WWTR1: variants seen among roughly 807,000 people sequenced by gnomAD.
The protein encoded by WWTR1 is WW domain-containing transcription regulator protein 1.
A neutral mutation model predicts 40.1 loss-of-function variants in WWTR1; 13 were observed. The ratio of observed to expected loss-of-function variants is 0.32; its 90% CI spans 0.21 to 0.52. WWTR1 has a LOEUF of 0.52. Ranked by LOEUF, WWTR1 falls within the 20% of genes least tolerant of loss-of-function variation. The pLI, the probability that WWTR1 is intolerant of heterozygous loss-of-function variation, is 0.97. For missense variants in WWTR1, 436 were observed against 523.1 expected (o/e 0.83, Z 1.63); for synonymous variants, 230 against 210.1 (o/e 1.09, Z -0.82).
At chr3:149,612,032 G>A (rs16862034) in intron 2 of WWTR1, among the ~76,000 whole-genome samples, 2,838 of 152,144 alleles carry the variant, frequency 0.019, 95 homozygotes, top group African/African-American at 0.064. Context: ...CCCATATGGC[G>A]TCAGGGGCAA....
At chr3:149,705,051 T>A (rs928870883), upstream of WWTR1, among the ~76,000 whole-genome samples, 1 of 151,416 alleles carries the variant, frequency 6.6e-6, no homozygotes, top group South Asian at 2.1e-4. Flanking sequence ...AATATAATAA[T>A]GGAATTTTAA....
At chr3:149,649,909 C>T (rs1352371894) in intron 2 of WWTR1, 4 of 127,818 alleles carry the variant, frequency 3.1e-5, no homozygotes, top group East Asian at 2.3e-4. Flanking sequence ...AAGAGTGAAA[C>T]GCTATCTCAA....
At chr3:149,542,201 G>A (rs1258306865) in intron 4 of WWTR1, 134 bp downstream of exon 4, 1 of 1,042,608 alleles carries the variant, frequency 9.6e-7, no homozygotes, top group East Asian at 2.5e-5. Flanking sequence ...TTAATCAAGA[G>A]GCTTGGAGTA....
chr3:149,643,340 T>A (rs937344679), intron 2 of WWTR1, among the ~76,000 whole-genome samples: 1 of 152,222 alleles, frequency 6.6e-6, no homozygotes, highest in African/African-American at 2.4e-5. Context: ...TGGCTGTAAT[T>A]TAGTTATGAC....
chr3:149,549,875 C>CA, intron 3 of WWTR1, among the ~76,000 whole-genome samples: 1 of 151,790 alleles, frequency 6.6e-6, no homozygotes, highest in Non-Finnish European at 1.5e-5. Flanking sequence ...CAAAACAAAA[C>CA]AAAAAGGTAA....
intron 1 of WWTR1, among the ~76,000 whole-genome samples, chr3:149,684,243 A>G (rs1397739473): frequency 6.6e-6 from 1 of 152,018 alleles, no homozygotes; most frequent in East Asian, 1.9e-4. Flanking sequence ...GGTGGTCTTG[A>G]GTTCCTGGGT....
At chr3:149,603,287 T>A (rs930078954) in intron 2 of WWTR1, among the ~76,000 whole-genome samples, 1 of 151,748 alleles carries the variant, frequency 6.6e-6, no homozygotes, top group Admixed American at 6.6e-5. Context: ...GAAAATGGAG[T>A]TCATGACTGA....
chr3:149,555,311 A>C (rs1736775786), intron 3 of WWTR1, among the ~76,000 whole-genome samples: 1 of 152,236 alleles, frequency 6.6e-6, no homozygotes, highest in Non-Finnish European at 1.5e-5. Context: ...GGTAGTCAAA[A>C]GACTTGAACG....
chr3:149,537,254 C>T (rs558425927), intron 4 of WWTR1, among the ~76,000 whole-genome samples: 2 of 152,238 alleles, frequency 1.3e-5, no homozygotes, highest in South Asian at 2.1e-4. Context: ...GGATTCTAGG[C>T]GCTTTGGAAT....
intron 2 of WWTR1, among the ~76,000 whole-genome samples, chr3:149,607,289 C>T (rs1297034203): frequency 1.3e-5 from 2 of 152,108 alleles, no homozygotes; most frequent in Non-Finnish European, 2.9e-5. Flanking sequence ...CACGGGTTAA[C>T]TTCAGTGACC....
intron 5 of WWTR1, among the ~76,000 whole-genome samples, chr3:149,708,544 G>A (rs1277239831): frequency 6.6e-6 from 1 of 152,010 alleles, no homozygotes; most frequent in Admixed American, 6.5e-5. Flanking sequence ...GACCACTCTA[G>A]GTATCTCATA....
chr3:149,565,644 G>A (rs935182072), intron 3 of WWTR1, among the ~76,000 whole-genome samples: 5 of 152,150 alleles, frequency 3.3e-5, no homozygotes, highest in African/African-American at 1.2e-4. Flanking sequence ...CAGGCCGGGT[G>A]CTCGTGCCTG....
intron 2 of WWTR1, among the ~76,000 whole-genome samples, chr3:149,573,565 C>G (rs1283264359): frequency 6.6e-6 from 1 of 152,160 alleles, no homozygotes; most frequent in African/African-American, 2.4e-5. Context: ...ATAAAACCCT[C>G]AAGAAGCTCA....
chr3:149,647,849 A>G (rs1255062271), intron 2 of WWTR1, among the ~76,000 whole-genome samples: 3 of 152,228 alleles, frequency 2.0e-5, no homozygotes, highest in Non-Finnish European at 4.4e-5. Flanking sequence ...CTCAAAACTA[A>G]GGAGTGAGAA....
chr3:149,542,233 C>T (rs1736137119), intron 4 of WWTR1, 102 bp downstream of exon 4: 2 of 1,363,296 alleles, frequency 1.5e-6, no homozygotes, highest in Non-Finnish European at 2.0e-6. Flanking sequence ...CCTATTGTCT[C>T]TTCTTCTCTA....
rs34414853 is a variant in WWTR1 at position 149,568,523 on chromosome 3, C to CAA, written c.568+4339_568+4340dup. 4.7e-3 allele frequency among the ~76,000 whole-genome samples: 305 copies of CAA among 64,788 alleles called. 53 individuals are homozygous for CAA. The highest frequency in any genetic ancestry group is 6.5e-3 in the South Asian group (9 of 1,386). The allele number at this position is 64,788 out of a possible 152,430, so 42.5% of individuals were successfully genotyped here. ...GGAGATGGCTATTTGAATTAAAGTG[C>CAA]AAAAAAAAAAAAAAAAAAAAAAAAA... is the stretch of plus-strand genomic sequence containing the variant. On this transcript the variant is annotated intron_variant, in intron 3 of 6. Coordinates refer to ENST00000360632, the MANE Select transcript of WWTR1 (RefSeq NM_015472.6).
rs374427935 is a variant in WWTR1 at position 149,542,400 on chromosome 3, G to C, written c.706C>G (p.Arg236Gly). The C allele has an allele frequency of 6.2e-7, 1 of 1,613,960 alleles. No homozygotes were observed. The highest frequency in any genetic ancestry group is 8.5e-7 in the Non-Finnish European group (1 of 1,179,994). The change falls in exon 4 of 7, where the codon CGG (arginine) becomes GGG (glycine). Residue 236 changes from arginine (R) to glycine (G), a missense_variant. Transcript: ENST00000360632. ...TTQQQQQQKL[R>G]LQRIQMERER... Reference sequence around the variant, plus strand: ...CTCTCCATCTGGATTCTCTGAAGCCGCAGTTTCTGCTGCTGCTGCTGCTGA... The same window carrying C: ...CTCTCCATCTGGATTCTCTGAAGCCCCAGTTTCTGCTGCTGCTGCTGCTGA...
intron 2 of WWTR1, among the ~76,000 whole-genome samples, chr3:149,665,505 A>G (rs955006813): frequency 1.4e-4 from 21 of 152,112 alleles, no homozygotes; most frequent in Admixed American, 7.9e-4. Flanking sequence ...GATTACAGGC[A>G]TGAGTTACTG....
intron 2 of WWTR1, among the ~76,000 whole-genome samples, chr3:149,600,369 T>C (rs532904127): frequency 6.6e-6 from 1 of 152,320 alleles, no homozygotes; most frequent in East Asian, 1.9e-4. Context: ...GCCTGGTACA[T>C]AGCAAACACT....
Sources: gnomAD v4.1 joint callset for allele counts (sites outside exome capture counted in the v4.1 genomes callset) on GRCh38, gnomAD v4.1.1 for gene constraint, MANE v1.5 for transcripts, NCBI Gene and HGNC (gene_info 2026-07-23, HGNC 2026-07-21) for gene names.